Variants in KPTN observed in about 807,000 individuals in gnomAD.
KPTN encodes the protein KICSTOR complex protein kaptin.
A neutral mutation model predicts 52.6 loss-of-function variants in KPTN; 36 were observed. The ratio of observed to expected loss-of-function variants is 0.68; its 90% CI spans 0.52 to 0.90. The LOEUF is 0.90. Among genes scored for constraint, KPTN ranks in the 40% least tolerant of loss-of-function variants. The pLI, the probability that KPTN is intolerant of heterozygous loss-of-function variation, is 0.00. For synonymous variants in KPTN, 271 were observed against 248.4 expected (o/e 1.09, Z -0.85); for missense variants, 529 against 576.2 (o/e 0.92, Z 0.84).
rs1460638616 is a variant in KPTN at position 47,480,392 on chromosome 19, G to A, written c.615C>T (p.Asp205=). The stretch of plus-strand genomic sequence containing the variant: ...GGGACGTGCCGGGGAAGTTGTGGAC[G>A]TCCAGCCAGAGGACGCTGGCGGGCG... The part of the protein sequence containing the change: ...TNLTSSVLWL[D]VHNFPGTSRR... The change falls in exon 7 of 12, where the codon GAC becomes GAT. Residue 205 remains aspartate, a synonymous_variant. Coordinates refer to ENST00000338134, the MANE Select transcript of KPTN (RefSeq NM_007059.4). 1.6e-5 allele frequency: 25 copies of A among 1,548,310 alleles called. No individual in the cohort carries two copies. In the Admixed American group the frequency reaches 4.1e-4, roughly 26 times the overall value.
Position 47,482,174 on chromosome 19 carries a change from C to T in KPTN, c.449+987G>A, listed in dbSNP as rs907042217. Among the ~76,000 whole-genome samples, 23 of 152,162 alleles carry T rather than the reference C, an allele frequency of 1.5e-4. 1 individual carries two copies. Among genetic ancestry groups the T allele is most frequent in the Admixed American group, 1.4e-3 (22 of 15,284 alleles). On this transcript the variant is annotated intron_variant, in intron 4 of 11. Coordinates refer to ENST00000338134, the MANE Select transcript of KPTN (RefSeq NM_007059.4). ...GCAGTGTGGTGGCCCCTTGGCCATC[C>T]GGTCCATGGCCACCTTAAAAGCATG...
chr19:47,482,480 C>CA (rs774530971), intron 4 of KPTN, among the ~76,000 whole-genome samples: 18,488 of 69,096 alleles, frequency 0.27, 1,983 homozygotes, highest in Admixed American at 0.37. Context: ...GCATCTATCT[C>CA]AAAAAAAAAA....
At position 47,477,741 on chromosome 19, in the gene KPTN, G is replaced by C; in HGVS notation, c.828C>G (p.Leu276=). ...CTGCTGGCTCCAACATGCTGGCCACGAGCACGCTGTACTCATCTTGTAGTG... is the reference window on the plus strand; with the variant it reads ...CTGCTGGCTCCAACATGCTGGCCACCAGCACGCTGTACTCATCTTGTAGTG... ...DRPLQDEYSV[L]VASMLEPAVV... The change falls in exon 9 of 12, where the codon CTC becomes CTG. Residue 276 remains leucine (L), a synonymous_variant. Transcript: ENST00000338134. 1.2e-5 allele frequency: 20 copies of C among 1,613,722 alleles called. No individual in the cohort carries two copies. The highest frequency in any genetic ancestry group is 1.6e-5 in the Non-Finnish European group (19 of 1,179,718).
Position 47,476,584 on chromosome 19 carries a change from T to A in KPTN, c.1130A>T (p.Asp377Val). 6.2e-7 allele frequency: 1 copy of A among 1,611,494 alleles called. No homozygotes were observed. Among genetic ancestry groups the A allele is most frequent in the Non-Finnish European group, 8.5e-7 (1 of 1,179,544 alleles). ...GACCACGGCAAGCTCCTGCAGCCCA[T>A]CCCCGGTCAGGTCCACGTGAGCCAT... ...LAMAHVDLTG[D>V]GLQELAVVSL... Residue 377 changes from aspartate (D) to valine (V), a missense_variant, in exon 11 of 12, where the codon GAT (aspartate) becomes GTT (valine). Physicochemically the swap from Asp to Val is radical, Grantham distance 152. Transcript: ENST00000338134.
At chr19:47,483,469 A>G in intron 2 of KPTN, 33 bp downstream of exon 2, 1 of 1,597,102 alleles carries the variant, frequency 6.3e-7, no homozygotes, top group Non-Finnish European at 8.6e-7. Flanking sequence ...TGTAAGGAGG[A>G]GGGCGAAGGG....
rs1410353487 is a variant in KPTN, at chr19:47,483,635, T to G, written c.227-51A>C. On this transcript the variant is annotated intron_variant, in intron 1 of 11. Transcript: ENST00000338134. ...GTGTCAGGCAGACTCATGCTTCCAA[T>G]CTCCCCAACATGGTGAGCTCTGGCT... 1.9e-5 allele frequency: 26 copies of G among 1,349,222 alleles called. No homozygotes were observed. The South Asian group carries it at 3.1e-4, about 16-fold the overall frequency. The allele number at this position is 1,349,222 out of a possible 1,614,324, so 83.6% of individuals were successfully genotyped here. A position where few individuals can be genotyped will look rare whatever the true frequency, so the allele number is the denominator to read the frequency against.
chr19:47,475,465 C>A lies in KPTN; in HGVS notation c.1262G>T (p.Gly421Val), dbSNP rs1431723436. The change falls in exon 12 of 12, where the codon GGG becomes GTG. Residue 421 changes from glycine to valine, a missense_variant. Physicochemically the swap from Gly to Val is moderately radical, Grantham distance 109 (BLOSUM62 -3). Transcript: ENST00000338134. ...QVEQRRRRLQ[G>V]LEDGAGAGPA... Reference sequence around the variant, plus strand: ...CCCTGCACCTGCCCCGTCCTCCAACCCCTGTAGCCGACGTCTCCTCTGCTC... The same window carrying A: ...CCCTGCACCTGCCCCGTCCTCCAACACCTGTAGCCGACGTCTCCTCTGCTC... The A allele has an allele frequency of 1.9e-6, 3 of 1,613,426 alleles. No individual in the cohort carries two copies. Among genetic ancestry groups the A allele is most frequent in the East Asian group, 2.2e-5 (1 of 44,870 alleles).
At chr19:47,480,064 ACCCCACCCTAGCCCCGCCCCCAAT>A in intron 7 of KPTN, 124 bp from the exon 8 acceptor site, 3 of 454,442 alleles carry the variant, frequency 6.6e-6, no homozygotes, top group South Asian at 6.2e-5. Flanking sequence ...GAAGCCCTCA[ACCCCACCCTAGCCCCGCCCCCAAT>A]CCCCACCCTC....
Position 47,484,164 on chromosome 19 carries a change from C to T in KPTN, c.-4G>A, listed in dbSNP as rs765690072. 1.3e-6 allele frequency: 2 copies of T among 1,595,056 alleles called. No homozygotes were observed. The highest frequency in any genetic ancestry group is 1.3e-5 in the African/African-American group (1 of 74,658). ...CCACGGCCGCCTCCCCCATCATGCC[C>T]CTCAGTTAAGCACCCTCTCCGCAGC... On this transcript the variant is annotated 5_prime_UTR_variant, in exon 1 of 12. Coordinates refer to ENST00000338134, the MANE Select transcript of KPTN (RefSeq NM_007059.4).
At chr19:47,481,784 A>G (rs1173531578) in intron 4 of KPTN, 1 of 152,214 alleles carries the variant, frequency 6.6e-6, no homozygotes, top group Admixed American at 6.5e-5. Context: ...CTCTACCAAA[A>G]AAAGTTTGCC....
intron 4 of KPTN, 90 bp from the exon 5 acceptor site, chr19:47,481,123 G>A: frequency 1.9e-6 from 2 of 1,032,916 alleles, no homozygotes; most frequent in South Asian, 1.4e-5. Context: ...CCTGCCTGTT[G>A]AGAACCTTAA....
upstream of KPTN, among the ~76,000 whole-genome samples, chr19:47,485,693 A>G (rs1388413196): frequency 6.6e-6 from 1 of 152,246 alleles, no homozygotes; most frequent in Admixed American, 6.5e-5. Context: ...CAGCTCTTAC[A>G]TGATGGAAAG....
intron 4 of KPTN, among the ~76,000 whole-genome samples, chr19:47,482,049 C>CA (rs1216740853): frequency 1.3e-5 from 2 of 152,206 alleles, no homozygotes; most frequent in Non-Finnish European, 2.9e-5. Flanking sequence ...CTTGGAATGT[C>CA]AGACTCTAGA....
At chr19:47,483,046 T>C (rs1331922453) in intron 4 of KPTN, 115 bp downstream of exon 4, 12 of 1,127,696 alleles carry the variant, frequency 1.1e-5, no homozygotes, top group Non-Finnish European at 1.5e-5. Context: ...TACAACCTCT[T>C]TATTTTCCAG....
At chr19:47,477,874 A>G (rs962527029) in intron 8 of KPTN, 93 bp from the exon 9 acceptor site, 19 of 778,362 alleles carry the variant, frequency 2.4e-5, no homozygotes, top group Non-Finnish European at 3.7e-5. Context: ...AGCCTGGTCA[A>G]CATGATAAAA....
Position 47,483,204 on chromosome 19 carries a change from T to TCAGGCAGCTCTCTGTAGGCAGGGCA in KPTN, c.395-14_405dup (p.Asn136CysfsTer31), listed in dbSNP as rs1250956075. Reference sequence around the variant, plus strand: ...AACGGAGTGAACTGGAGCTCCAGGTTCAGGCAGCTCTCTGTAGGCAGGGCA... The same window carrying TCAGGCAGCTCTCTGTAGGCAGGGCA: ...AACGGAGTGAACTGGAGCTCCAGGTTCAGGCAGCTCTCTGTAGGCAGGGCACAGGCAGCTCTCTGTAGGCAGGGCA... On this transcript the variant is annotated frameshift_variant, in exon 4 of 12. Coordinates refer to ENST00000338134, the MANE Select transcript of KPTN (RefSeq NM_007059.4). LOFTEE classifies it high-confidence loss of function. The TCAGGCAGCTCTCTGTAGGCAGGGCA allele has an allele frequency of 6.2e-7, 1 of 1,614,024 alleles. No individual in the cohort carries two copies. The highest frequency in any genetic ancestry group is 2.2e-5 in the East Asian group (1 of 44,876).
At position 47,484,044 on chromosome 19, in the gene KPTN, C is replaced by T. The variant is rs1967986927; in HGVS notation, c.117G>A (p.Gly39=). 8 of 1,611,188 alleles carry T rather than the reference C, an allele frequency of 5.0e-6. No individual in the cohort carries two copies. The Middle Eastern group carries it at 4.9e-4, about 99-fold the overall frequency. ...CTTTAAGGGTGGCGGCCAGCAGCTC[C>T]CCGCGCCCGCCGGCGCCGCCTGCCA... ...YGLAGGAGGR[G]ELLAATLKGK... Residue 39 remains glycine, a synonymous_variant, in exon 1 of 12, where the codon GGG becomes GGA. Transcript: ENST00000338134.
At chr19:47,479,037 G>A (rs949312622) in intron 8 of KPTN, among the ~76,000 whole-genome samples, 16 of 152,278 alleles carry the variant, frequency 1.1e-4, no homozygotes, top group African/African-American at 3.9e-4. Context: ...CGAAGTGATT[G>A]AAATAATTTT....
At position 47,475,269 on chromosome 19, in the gene KPTN, G is replaced by A. The variant is rs986846368; in HGVS notation, c.*147C>T. 5 of 740,992 alleles carry A rather than the reference G, an allele frequency of 6.7e-6. No individual in the cohort carries two copies. In the African/African-American group the frequency reaches 7.1e-5, roughly 10 times the overall value. The allele number at this position is 740,992 out of a possible 1,614,324, so 45.9% of individuals were successfully genotyped here. ...GACATTGACGTACAGAGAGAGGAGT[G>A]GGTTAGCTGGGGCCCCAGGGCACAG... On this transcript the variant is annotated 3_prime_UTR_variant, in exon 12 of 12. Coordinates refer to ENST00000338134, the MANE Select transcript of KPTN (RefSeq NM_007059.4).
Sources: gnomAD v4.1 joint callset for allele counts (sites outside exome capture counted in the v4.1 genomes callset) on GRCh38, gnomAD v4.1.1 for gene constraint, MANE v1.5 for transcripts, NCBI Gene and HGNC (gene_info 2026-07-23, HGNC 2026-07-21) for gene names.